SHISA9: variants seen among roughly 807,000 people sequenced by gnomAD.
The protein encoded by SHISA9 is protein shisa-9.
Under a neutral mutation model 38.0 loss-of-function variants are expected in SHISA9, and 13 were observed. That is an observed-to-expected ratio of 0.34 (90% CI 0.22 to 0.54). SHISA9 has a LOEUF of 0.54. SHISA9 is among the 20% of genes least tolerant of loss of function. The probability of loss-of-function intolerance (pLI) is 0.91; values close to 1 mark genes in which losing one functional copy is unlikely to be tolerated. For synonymous variants in SHISA9, 275 were observed against 242.0 expected, an observed-to-expected ratio of 1.14 and a Z score of -1.27; for missense variants, 538 against 575.8, an observed-to-expected ratio of 0.93 and a Z score of 0.67.
the SHISA9 span, among the ~76,000 whole-genome samples, chr16:13,392,382 CATTAT>C: frequency 6.6e-6 from 1 of 152,148 alleles, no homozygotes; most frequent in South Asian, 2.1e-4. Flanking sequence ...TATATTAAAA[CATTAT>C]ATTGTACACC....
At chr16:13,534,572 A>C in the SHISA9 span, among the ~76,000 whole-genome samples, 309 of 152,306 alleles carry the variant, frequency 2.0e-3, 2 homozygotes, top group African/African-American at 7.1e-3. Context: ...CAAGTTGCCA[A>C]AATTAATTAT....
the SHISA9 span, among the ~76,000 whole-genome samples, chr16:13,462,288 C>T: frequency 6.6e-5 from 10 of 151,828 alleles, no homozygotes; most frequent in African/African-American, 1.9e-4. Flanking sequence ...AGTCAAACCA[C>T]TTATTTAATC....
chr16:12,978,253 T>A (rs759651807), intron 2 of SHISA9, among the ~76,000 whole-genome samples: 8 of 152,184 alleles, frequency 5.3e-5, no homozygotes, highest in Non-Finnish European at 1.2e-4. Flanking sequence ...ATCCAACAGC[T>A]TACTGTTTAT....
At chr16:13,386,681 A>G in the SHISA9 span, among the ~76,000 whole-genome samples, 2 of 152,140 alleles carry the variant, frequency 1.3e-5, no homozygotes, top group Admixed American at 1.3e-4. Flanking sequence ...TTTTATACAA[A>G]CGATGTTATG....
the SHISA9 span, among the ~76,000 whole-genome samples, chr16:13,456,937 C>T: frequency 2.6e-5 from 4 of 152,360 alleles, no homozygotes; most frequent in Admixed American, 2.0e-4. Context: ...GGAACTTTTC[C>T]GGGACTCTGC....
chr16:12,931,913 C>T (rs1224873655), intron 2 of SHISA9, among the ~76,000 whole-genome samples: 1 of 152,170 alleles, frequency 6.6e-6, no homozygotes, highest in East Asian at 1.9e-4. Context: ...AATTGTGCTT[C>T]CCATAATTCC....
In SHISA9 at chr16:13,238,333, G is replaced by A. The variant is rs1213060790; in HGVS notation, c.*2924G>A. The A allele has an allele frequency of 6.6e-6, 1 of 152,170 alleles. No homozygotes were observed. The allele number at this position is 152,170 out of a possible 1,614,324, so 9.4% of individuals were successfully genotyped here. On this transcript the variant is annotated 3_prime_UTR_variant, in exon 5 of 5. Transcript: ENST00000558583. ...GCCTATGATCATTGTGCATACACTA[G>A]GGGTGCATAGCCCACACTTCAGAAA...
chr16:13,405,776 C>T, the SHISA9 span, among the ~76,000 whole-genome samples: 1 of 152,094 alleles, frequency 6.6e-6, no homozygotes, highest in Non-Finnish European at 1.5e-5. Flanking sequence ...CCTCCAGCTT[C>T]ATCCATGTTG....
the SHISA9 span, among the ~76,000 whole-genome samples, chr16:13,411,757 A>G: frequency 2.6e-5 from 4 of 152,290 alleles, no homozygotes; most frequent in African/African-American, 9.6e-5. Context: ...CTCATATTTC[A>G]TTGGTTGGAA....
At chr16:13,019,928 T>G (rs1238460396) in intron 2 of SHISA9, among the ~76,000 whole-genome samples, 1 of 89,238 alleles carries the variant, frequency 1.1e-5, no homozygotes, top group Admixed American at 1.2e-4. Flanking sequence ...TCTTTCTTTC[T>G]TTCTTTCTTT....
chr16:13,169,841 C>T (rs546910841), intron 2 of SHISA9, among the ~76,000 whole-genome samples: 2 of 152,216 alleles, frequency 1.3e-5, no homozygotes, highest in South Asian at 4.1e-4. Flanking sequence ...CTGGGTTGCA[C>T]TGGGTTTCTG....
At chr16:13,400,209 G>A in the SHISA9 span, among the ~76,000 whole-genome samples, 4 of 152,150 alleles carry the variant, frequency 2.6e-5, no homozygotes, top group Non-Finnish European at 5.9e-5. Flanking sequence ...CATTTCTCTT[G>A]CCTCTCCGGT....
the SHISA9 span, among the ~76,000 whole-genome samples, chr16:13,276,398 G>T: frequency 2.0e-5 from 3 of 151,896 alleles, no homozygotes; most frequent in African/African-American, 7.3e-5. Flanking sequence ...TATCTTTTTC[G>T]TATAATGACT....
intron 2 of SHISA9, among the ~76,000 whole-genome samples, chr16:13,189,428 ATGT>A (rs774927005): frequency 5.3e-5 from 8 of 152,366 alleles, no homozygotes; most frequent in East Asian, 1.9e-4. Context: ...TCGAATCCTG[ATGT>A]TGTTACAACA....
rs181733766 is a variant in SHISA9, at chr16:13,127,185, G to A, written c.692-76209G>A. Among the ~76,000 whole-genome samples, 316 of 139,580 alleles carry A rather than the reference G, an allele frequency of 2.3e-3. 2 individuals are homozygous for A. Among genetic ancestry groups the A allele is most frequent in the African/African-American group, 7.9e-3 (294 of 37,002 alleles). 91.6% of individuals were successfully genotyped at this position (139,580 alleles called of 152,430 possible). On this transcript the variant is annotated intron_variant, in intron 2 of 4. Coordinates refer to ENST00000558583, the MANE Select transcript of SHISA9 (RefSeq NM_001145204.3). Reference sequence around the variant, plus strand: ...GAGGGAAGGGGGAGAGAGTGAGGGTGGGAGAGAGAAAGAAAGAGGGAGAGA... The same window carrying A: ...GAGGGAAGGGGGAGAGAGTGAGGGTAGGAGAGAGAAAGAAAGAGGGAGAGA...
intron 2 of SHISA9, among the ~76,000 whole-genome samples, chr16:13,115,417 G>A (rs1278397404): frequency 6.6e-6 from 1 of 152,330 alleles, no homozygotes; most frequent in Non-Finnish European, 1.5e-5. Context: ...TAAGGGAAAC[G>A]AAGGGATGGG....
chr16:13,280,739 T>C, the SHISA9 span, among the ~76,000 whole-genome samples: 4 of 151,770 alleles, frequency 2.6e-5, no homozygotes, highest in African/African-American at 9.7e-5. Context: ...CCTTGTATCA[T>C]ACCCACCCTT....
the SHISA9 span, among the ~76,000 whole-genome samples, chr16:13,386,921 T>C: frequency 6.6e-6 from 1 of 152,376 alleles, no homozygotes; most frequent in East Asian, 1.9e-4. Context: ...TAAATTCATA[T>C]GCGTGTCTCT....
intron 2 of SHISA9, among the ~76,000 whole-genome samples, chr16:12,978,005 A>G (rs1208509043): frequency 6.6e-6 from 1 of 152,106 alleles, no homozygotes. Flanking sequence ...CATAAGAAAA[A>G]AAGAATGAGA....
Sources: allele counts gnomAD v4.1 joint callset (sites outside exome capture counted in the v4.1 genomes callset), GRCh38; gene constraint gnomAD v4.1.1; transcripts MANE v1.5; gene names NCBI Gene and HGNC (gene_info 2026-07-23, HGNC 2026-07-21).